Variants in IGSF21 observed in about 807,000 individuals in gnomAD.
The protein encoded by IGSF21 is immunoglobin superfamily member 21.
IGSF21 carries 28 observed loss-of-function variants against 46.8 expected under a neutral mutation model. The ratio of observed to expected loss-of-function variants is 0.60; its 90% CI spans 0.44 to 0.82. IGSF21 has a LOEUF of 0.82. Ranked by LOEUF, IGSF21 falls within the 40% of genes least tolerant of loss-of-function variation. The pLI is 0.00. For synonymous variants in IGSF21, 284 were observed against 273.6 expected (o/e 1.04, Z -0.38); for missense variants, 624 against 665.5 (o/e 0.94, Z 0.69).
At chr1:18,190,353 C>T (rs939493236) in intron 1 of IGSF21, among the ~76,000 whole-genome samples, 1 of 152,246 alleles carries the variant, frequency 6.6e-6, no homozygotes, top group African/African-American at 2.4e-5. Flanking sequence ...AGTTGTCCCT[C>T]TGCCCCTCCG....
chr1:18,274,896 T>C (rs1247183461), intron 2 of IGSF21, among the ~76,000 whole-genome samples: 1 of 152,172 alleles, frequency 6.6e-6, no homozygotes, highest in Non-Finnish European at 1.5e-5. Flanking sequence ...TGTGGTGGCA[T>C]GCACCTGGAA....
intron 2 of IGSF21, among the ~76,000 whole-genome samples, chr1:18,244,924 A>G (rs1477291854): frequency 6.6e-6 from 1 of 152,198 alleles, no homozygotes; most frequent in Non-Finnish European, 1.5e-5. Flanking sequence ...ATTGCCACTT[A>G]GAAGCTGTGT....
At chr1:18,144,933 T>C (rs1026506344) in intron 1 of IGSF21, among the ~76,000 whole-genome samples, 11 of 152,012 alleles carry the variant, frequency 7.2e-5, no homozygotes, top group Non-Finnish European at 2.9e-5. Flanking sequence ...CCCTGATGAG[T>C]GATTATGATG....
At chr1:18,184,763 A>C (rs1403913902) in intron 1 of IGSF21, among the ~76,000 whole-genome samples, 2 of 152,060 alleles carry the variant, frequency 1.3e-5, no homozygotes, top group Non-Finnish European at 2.9e-5. Flanking sequence ...CTTGTGACCC[A>C]CTGGCCACCA....
intron 1 of IGSF21, among the ~76,000 whole-genome samples, chr1:18,157,926 C>T (rs897212237): frequency 9.2e-5 from 14 of 152,264 alleles, no homozygotes; most frequent in African/African-American, 1.7e-4. Context: ...CACTAGACTG[C>T]GAGCTTCCTG....
intron 1 of IGSF21, among the ~76,000 whole-genome samples, chr1:18,220,583 T>C (rs183458390): frequency 4.6e-5 from 7 of 152,184 alleles, no homozygotes; most frequent in Non-Finnish European, 7.4e-5. Flanking sequence ...AAACAGTTCA[T>C]GGCCTGTGTT....
chr1:18,283,452 G>A (rs990353042), intron 2 of IGSF21, among the ~76,000 whole-genome samples: 3 of 152,168 alleles, frequency 2.0e-5, no homozygotes, highest in African/African-American at 7.2e-5. Flanking sequence ...CTCTGAGGCT[G>A]CTTCTCTGGC....
chr1:18,208,037 G>C (rs1013634855), intron 1 of IGSF21, among the ~76,000 whole-genome samples: 2 of 152,110 alleles, frequency 1.3e-5, no homozygotes, highest in African/African-American at 4.8e-5. Context: ...ATGCCCCTGG[G>C]AGAGAGATAG....
intron 1 of IGSF21, among the ~76,000 whole-genome samples, chr1:18,108,833 A>C (rs1425075876): frequency 6.8e-6 from 1 of 147,770 alleles, no homozygotes; most frequent in Non-Finnish European, 1.5e-5. Context: ...ACTGGACAAG[A>C]GTCTGCTTAT....
At chr1:18,356,266 G>A (rs2086016946) in intron 4 of IGSF21, among the ~76,000 whole-genome samples, 1 of 152,194 alleles carries the variant, frequency 6.6e-6, no homozygotes, top group African/African-American at 2.4e-5. Flanking sequence ...TGATGAGTGT[G>A]TTTACTCACC....
intron 2 of IGSF21, among the ~76,000 whole-genome samples, chr1:18,266,974 C>G (rs2084995586): frequency 6.6e-6 from 1 of 152,094 alleles, no homozygotes; most frequent in Admixed American, 6.6e-5. Context: ...CAGGAACTTC[C>G]AGGACTAATA....
chr1:18,287,945 G>A (rs1267994987), intron 2 of IGSF21, among the ~76,000 whole-genome samples: 1 of 152,074 alleles, frequency 6.6e-6, no homozygotes, highest in East Asian at 1.9e-4. Context: ...AAAGAGCCCT[G>A]GAGGGTGGGG....
intron 2 of IGSF21, among the ~76,000 whole-genome samples, chr1:18,269,587 T>C (rs1435929944): frequency 6.6e-6 from 1 of 152,132 alleles, no homozygotes; most frequent in African/African-American, 2.4e-5. Flanking sequence ...GGGAGCTCCA[T>C]AAGAGTCAGA....
intron 1 of IGSF21, among the ~76,000 whole-genome samples, chr1:18,140,618 C>T (rs1204478500): frequency 6.6e-6 from 1 of 152,238 alleles, no homozygotes; most frequent in Admixed American, 6.5e-5. Context: ...GTGTCTGCTC[C>T]TGCTGTGCCC....
At chr1:18,326,632 C>T (rs1616528) in intron 3 of IGSF21, among the ~76,000 whole-genome samples, 2 of 152,182 alleles carry the variant, frequency 1.3e-5, no homozygotes, top group Admixed American at 6.5e-5. Flanking sequence ...CTTTTTAAAT[C>T]GGGTAGATTA....
At position 18,174,319 on chromosome 1, in the gene IGSF21, G is replaced by C. The variant is rs535254297; in HGVS notation, c.71-53579G>C. 2.0e-5 allele frequency among the ~76,000 whole-genome samples: 3 copies of C among 152,304 alleles called. No individual in the cohort carries two copies. The East Asian group carries it at 5.8e-4, about 29-fold the overall frequency. ...TGTGTTCCCCGAATCCGAGCAGCCC[G>C]TGTCTAAGCGTCTTCACAGATGGGC... is the stretch of plus-strand genomic sequence containing the variant. On this transcript the variant is annotated intron_variant, in intron 1 of 9. Coordinates refer to ENST00000251296, the MANE Select transcript of IGSF21 (RefSeq NM_032880.5).
chr1:18,363,756 G>A (rs1019442117), intron 5 of IGSF21, among the ~76,000 whole-genome samples: 11 of 148,340 alleles, frequency 7.4e-5, no homozygotes, highest in Middle Eastern at 7.2e-3. Flanking sequence ...CAGGTGAGGC[G>A]GTGGGTAGAG....
chr1:18,332,750 A>G (rs1429351091), intron 3 of IGSF21, among the ~76,000 whole-genome samples: 1 of 152,106 alleles, frequency 6.6e-6, no homozygotes, highest in African/African-American at 2.4e-5. Flanking sequence ...TCCTTCCATG[A>G]CAGTCGGTAG....
At chr1:18,115,819 CAGGAAGGAAGGA>C (rs71575874) in intron 1 of IGSF21, 4 of 103,970 alleles carry the variant, frequency 3.8e-5, no homozygotes, top group African/African-American at 1.6e-4. Context: ...GGGAGGAAGA[CAGGAAGGAAGGA>C]AGGAAGGAAG....
Sources: allele counts gnomAD v4.1 joint callset (sites outside exome capture counted in the v4.1 genomes callset), GRCh38; gene constraint gnomAD v4.1.1; transcripts MANE v1.5; gene names NCBI Gene and HGNC (gene_info 2026-07-23, HGNC 2026-07-21).